ANKFN1: variants seen among roughly 807,000 people sequenced by gnomAD.
The protein encoded by ANKFN1 is ankyrin repeat and fibronectin type-III domain-containing protein 1.
In ANKFN1, 74 loss-of-function variants were observed where a neutral mutation model predicts 108.7. That is an observed-to-expected ratio of 0.68 (90% CI 0.56 to 0.83). The LOEUF is 0.83. Ranked by LOEUF, ANKFN1 falls within the 40% of genes least tolerant of loss-of-function variation. The pLI, the probability that ANKFN1 is intolerant of heterozygous loss-of-function variation, is 0.00. For missense variants in ANKFN1, 1,505 were observed against 1,382.3 expected, an observed-to-expected ratio of 1.09 and a Z score of -1.41; for synonymous variants, 547 against 516.2, an observed-to-expected ratio of 1.06 and a Z score of -0.81.
chr17:56,126,199 T>A (rs1906917746), intron 4 of ANKFN1, among the ~76,000 whole-genome samples: 1 of 151,810 alleles, frequency 6.6e-6, no homozygotes, highest in Non-Finnish European at 1.5e-5. Flanking sequence ...CCTCCAGGGG[T>A]GTTTTTGCTA....
intron 4 of ANKFN1, among the ~76,000 whole-genome samples, chr17:56,328,513 A>G (rs957517038): frequency 6.6e-6 from 1 of 152,226 alleles, no homozygotes; most frequent in African/African-American, 2.4e-5. Flanking sequence ...AAGGTAACCC[A>G]AAGGATGTGG....
At chr17:56,286,483 C>T (rs952037116) in intron 3 of ANKFN1, among the ~76,000 whole-genome samples, 1 of 152,140 alleles carries the variant, frequency 6.6e-6, no homozygotes, top group Non-Finnish European at 1.5e-5. Context: ...TCTGAAAATT[C>T]ATTTGCTCAC....
At chr17:56,313,835 A>T (rs1296108616) in intron 3 of ANKFN1, among the ~76,000 whole-genome samples, 1 of 152,202 alleles carries the variant, frequency 6.6e-6, no homozygotes, top group Non-Finnish European at 1.5e-5. Flanking sequence ...ATGTTTCAAT[A>T]ATTGTATATA....
intron 4 of ANKFN1, among the ~76,000 whole-genome samples, chr17:56,140,398 A>G (rs1439561630): frequency 6.6e-6 from 1 of 152,184 alleles, no homozygotes; most frequent in East Asian, 1.9e-4. Context: ...ATGGCACCAT[A>G]AGATCAACCA....
At chr17:56,418,394 T>C (rs2048302521) in intron 8 of ANKFN1, among the ~76,000 whole-genome samples, 2 of 152,154 alleles carry the variant, frequency 1.3e-5, no homozygotes, top group African/African-American at 2.4e-5. Flanking sequence ...ATTAAAATGA[T>C]TTTAAGAGAA....
At chr17:56,082,894 A>G (rs1431945032) in intron 4 of ANKFN1, among the ~76,000 whole-genome samples, 1 of 141,834 alleles carries the variant, frequency 7.1e-6, no homozygotes, top group Non-Finnish European at 1.6e-5. Context: ...TTTGAGATGA[A>G]GTGAGTCACT....
Position 56,511,560 on chromosome 17 carries a change from C to G in ANKFN1, c.*291C>G, listed in dbSNP as rs2051774254. 1 of 331,778 alleles carries G rather than the reference C, an allele frequency of 3.0e-6. No homozygotes were observed. Among genetic ancestry groups the G allele is most frequent in the Middle Eastern group, 8.2e-4 (1 of 1,218 alleles). The allele number at this position is 331,778 out of a possible 1,614,324, so 20.6% of individuals were successfully genotyped here. A position where few individuals can be genotyped will look rare whatever the true frequency, so the allele number is the denominator to read the frequency against. On this transcript the variant is annotated 3_prime_UTR_variant, in exon 21 of 21. Coordinates refer to ENST00000682825, the MANE Select transcript of ANKFN1 (RefSeq NM_001370326.1). ...GCCACCCTGTTGGTGGCACCTATGA[C>G]TGAAGCTGGCCATCCCAAAGAGAGA...
intron 4 of ANKFN1, among the ~76,000 whole-genome samples, chr17:56,334,540 T>G (rs2045752824): frequency 6.6e-6 from 1 of 152,138 alleles, no homozygotes; most frequent in African/African-American, 2.4e-5. Context: ...ATTGAACACC[T>G]ATTTTTTCAA....
At position 56,513,901 on chromosome 17, in the gene ANKFN1, C is replaced by T. The variant is rs948681536; in HGVS notation, c.*2632C>T. Among the ~76,000 whole-genome samples, 21 of 152,234 alleles carry T rather than the reference C, an allele frequency of 1.4e-4. No individual in the cohort carries two copies. Among genetic ancestry groups the T allele is most frequent in the South Asian group, 4.1e-4 (2 of 4,824 alleles). On this transcript the variant is annotated 3_prime_UTR_variant, in exon 21 of 21. Coordinates refer to ENST00000682825, the MANE Select transcript of ANKFN1 (RefSeq NM_001370326.1). Reference sequence around the variant, plus strand: ...TTAGCTATTATTCAGGTAGGTTTCCCCATACCTTCACTTTGCAATATTTTG... The same window carrying T: ...TTAGCTATTATTCAGGTAGGTTTCCTCATACCTTCACTTTGCAATATTTTG...
chr17:56,381,677 A>C (rs1363718298), intron 8 of ANKFN1, among the ~76,000 whole-genome samples: 1 of 152,232 alleles, frequency 6.6e-6, no homozygotes, highest in East Asian at 1.9e-4. Context: ...ACTGGAAGAA[A>C]GGGTATCAGT....
chr17:56,158,346 G>C (rs1401582147), intron 1 of ANKFN1, among the ~76,000 whole-genome samples: 1 of 152,134 alleles, frequency 6.6e-6, no homozygotes, highest in Admixed American at 6.6e-5. Context: ...AAAAAGAAAG[G>C]GAAGAAGAAA....
intron 4 of ANKFN1, among the ~76,000 whole-genome samples, chr17:56,331,032 T>A (rs1257664975): frequency 3.3e-5 from 5 of 152,122 alleles, no homozygotes; most frequent in Non-Finnish European, 7.4e-5. Flanking sequence ...CCTGTTATGT[T>A]AACAGCAGGT....
Position 56,470,644 on chromosome 17 carries a change from C to T in ANKFN1, c.1773+4073C>T, listed in dbSNP as rs75924621. ...AAAGCTGTACAAAAGTTATGATCCA[C>T]GACGGGGTTTTCAAAACAGATAGGG... On this transcript the variant is annotated intron_variant, in intron 15 of 20. Coordinates refer to ENST00000682825, the MANE Select transcript of ANKFN1 (RefSeq NM_001370326.1). Among the ~76,000 whole-genome samples, 106 of 152,176 alleles carry T rather than the reference C, an allele frequency of 7.0e-4. 1 individual carries two copies. The East Asian group carries it at 0.019, about 27-fold the overall frequency.
chr17:56,098,932 C>T (rs1230913647), intron 4 of ANKFN1, among the ~76,000 whole-genome samples: 1 of 152,102 alleles, frequency 6.6e-6, no homozygotes, highest in African/African-American at 2.4e-5. Flanking sequence ...TTTGCGGTTA[C>T]ATCTGCCAAG....
chr17:56,479,695 T>G (rs1172282661), intron 16 of ANKFN1, among the ~76,000 whole-genome samples: 5 of 152,240 alleles, frequency 3.3e-5, no homozygotes, highest in Non-Finnish European at 7.3e-5. Flanking sequence ...GAGCCCAGCC[T>G]GGTAGAGCCC....
intron 3 of ANKFN1, among the ~76,000 whole-genome samples, chr17:56,257,649 G>A (rs1288243911): frequency 6.6e-6 from 1 of 152,166 alleles, no homozygotes; most frequent in African/African-American, 2.4e-5. Context: ...GCCTGTTCAA[G>A]GGACTCCCTC....
intron 4 of ANKFN1, among the ~76,000 whole-genome samples, chr17:56,099,328 T>C (rs1905595116): frequency 2.0e-5 from 3 of 152,214 alleles, no homozygotes; most frequent in Admixed American, 6.5e-5. Context: ...ATGTAACATA[T>C]CTGAAAAATC....
At chr17:56,235,705 T>G (rs776700067) in intron 3 of ANKFN1, among the ~76,000 whole-genome samples, 1 of 152,164 alleles carries the variant, frequency 6.6e-6, no homozygotes, top group Non-Finnish European at 1.5e-5. Context: ...TCTGTTCCAT[T>G]GGCCTATGTG....
At chr17:56,299,210 G>A (rs530542557) in intron 3 of ANKFN1, among the ~76,000 whole-genome samples, 2 of 152,150 alleles carry the variant, frequency 1.3e-5, no homozygotes. Context: ...TTTGTTTTTT[G>A]TTGTGGTGGC....
Sources: gnomAD v4.1 joint callset for allele counts (sites outside exome capture counted in the v4.1 genomes callset) on GRCh38, gnomAD v4.1.1 for gene constraint, MANE v1.5 for transcripts, NCBI Gene and HGNC (gene_info 2026-07-23, HGNC 2026-07-21) for gene names.